Variants in GRTP1 observed in about 807,000 individuals in gnomAD.
The protein encoded by GRTP1 is growth hormone regulated TBC protein 1, also known as growth hormone-regulated TBC protein 1.
A neutral mutation model predicts 38.1 loss-of-function variants in GRTP1; 56 were observed. The ratio of observed to expected loss-of-function variants is 1.47; its 90% confidence interval spans 1.19 to 1.84. The LOEUF (loss-of-function observed/expected upper bound fraction) is 1.84. Ranked by LOEUF, GRTP1 falls within the 40% of genes most tolerant of loss-of-function variation. The pLI, the probability that GRTP1 is intolerant of heterozygous loss-of-function variation, is 0.00. For synonymous variants in GRTP1, 217 were observed against 189.5 expected (o/e 1.14, Z -1.19); for missense variants, 506 against 453.9 (o/e 1.11, Z -1.04).
At chr13:113,325,260 T>A in intron 7 of GRTP1, 1 of 1,242,200 alleles carries the variant, frequency 8.1e-7, no homozygotes, top group Non-Finnish European at 1.0e-6. Context: ...GAGCCTCTCC[T>A]GGCGTCTTGG....
chr13:113,361,212 A>T (rs997234693), intron 2 of GRTP1, among the ~76,000 whole-genome samples: 6 of 4,608 alleles, frequency 1.3e-3, no homozygotes, highest in Non-Finnish European at 3.4e-3. Context: ...ACCAATGCTA[A>T]AAAAAAAAAA....
At chr13:113,341,070 A>G (rs2043019771) in intron 5 of GRTP1, among the ~76,000 whole-genome samples, 1 of 150,868 alleles carries the variant, frequency 6.6e-6, no homozygotes, top group African/African-American at 2.4e-5. Context: ...TTCTGAGATA[A>G]GAGTCTCACT....
intron 5 of GRTP1, among the ~76,000 whole-genome samples, chr13:113,341,062 CTGAGA>C (rs1162161037): frequency 3.0e-5 from 4 of 133,416 alleles, no homozygotes; most frequent in South Asian, 2.3e-4. Flanking sequence ...TTTTTTCTTT[CTGAGA>C]TAAGAGTCTC....
intron 5 of GRTP1, among the ~76,000 whole-genome samples, chr13:113,340,577 T>C (rs61426433): frequency 0.24 from 36,684 of 151,584 alleles, 6,135 homozygotes; most frequent in African/African-American, 0.48. Context: ...GTCAGGAGTT[T>C]GAGACCAGCC....
rs1387556851 is a variant in GRTP1, at chr13:113,349,390, C to T, written c.465+1459G>A. Among the ~76,000 whole-genome samples the T allele has an allele frequency of 6.7e-6, 1 of 150,338 alleles. No individual in the cohort carries two copies. Among genetic ancestry groups the T allele is most frequent in the African/African-American group, 2.5e-5 (1 of 40,736 alleles). ...ATATTTTGTAGAGATGGAGTCTTGC[C>T]ACCTTGCCCAGGCTGGTGTATGCAT... On this transcript the variant is annotated intron_variant, in intron 4 of 7. Transcript: ENST00000375431. This position sits in a 1 kb window ranked among gnomAD's most constrained non-coding sequence, Gnocchi z 5.0.
intron 4 of GRTP1, among the ~76,000 whole-genome samples, chr13:113,350,125 GCTCAGACAGACT>G (rs1414037097): frequency 2.8e-4 from 42 of 152,122 alleles, no homozygotes; most frequent in Non-Finnish European, 2.4e-4. Context: ...CCCTCGGCGA[GCTCAGACAGACT>G]GGAACAGCAC....
At chr13:113,338,203 T>C (rs565722273) in intron 5 of GRTP1, among the ~76,000 whole-genome samples, 1 of 152,242 alleles carries the variant, frequency 6.6e-6, no homozygotes, top group South Asian at 2.1e-4. Context: ...TCTTCCTGCG[T>C]CCTTTCCATG....
chr13:113,355,882 G>A (rs2139522661), intron 2 of GRTP1: 1 of 161,018 alleles, frequency 6.2e-6, no homozygotes, highest in South Asian at 2.0e-4. Flanking sequence ...CCTCAGGTGG[G>A]ACGCCACAGC....
At position 113,350,447 on chromosome 13, in the gene GRTP1, C is replaced by G. The variant is rs566029644; in HGVS notation, c.465+402G>C. Among the ~76,000 whole-genome samples the G allele has an allele frequency of 1.9e-3, 256 of 132,334 alleles. 1 individual carries two copies. Among genetic ancestry groups the G allele is most frequent in the South Asian group, 0.013 (52 of 4,034 alleles). The allele number at this position is 132,334 out of a possible 152,430, so 86.8% of individuals were successfully genotyped here. A position where few individuals can be genotyped will look rare whatever the true frequency, so the allele number is the denominator to read the frequency against. The stretch of plus-strand genomic sequence containing the variant: ...CACACATCCCACAGCGCACGCACCC[C>G]ACAGCGCACGCACCCACAGCACACA... On this transcript the variant is annotated intron_variant, in intron 4 of 7. Coordinates refer to ENST00000375431, the MANE Select transcript of GRTP1 (RefSeq NM_024719.4).
intron 3 of GRTP1, among the ~76,000 whole-genome samples, chr13:113,352,274 A>T (rs9549745): frequency 0.045 from 1,516 of 34,064 alleles, 13 homozygotes; most frequent in African/African-American, 0.052. Flanking sequence ...TTATATTTTT[A>T]TATATATTTA....
In GRTP1 at chr13:113,342,751, C is replaced by G. The variant is rs1005325758; in HGVS notation, c.562+2112G>C. The stretch of plus-strand genomic sequence containing the variant: ...CCTCTTTTCTCTGCCGCTGGGAGAG[C>G]TCTGCCGGGATCGGAATAACCCCCT... On this transcript the variant is annotated intron_variant, in intron 5 of 7. Coordinates refer to ENST00000375431, the MANE Select transcript of GRTP1 (RefSeq NM_024719.4). The surrounding 1 kb of genome is among the most constrained non-coding windows in gnomAD (Gnocchi z 4.5). Among the ~76,000 whole-genome samples, 1 of 152,176 alleles carries G rather than the reference C, an allele frequency of 6.6e-6. No homozygotes were observed. Among genetic ancestry groups the G allele is most frequent in the Non-Finnish European group, 1.5e-5 (1 of 68,030 alleles).
chr13:113,351,004 G>A (rs371125767), intron 3 of GRTP1, 31 bp from the exon 4 acceptor site: 3 of 1,611,722 alleles, frequency 1.9e-6, no homozygotes, highest in African/African-American at 2.7e-5. Context: ...ATCACCCACG[G>A]GTTTCTGTTC....
In GRTP1 at chr13:113,343,681, G is replaced by A. The variant is rs1184747787; in HGVS notation, c.562+1182C>T. Among the ~76,000 whole-genome samples, 1 of 152,220 alleles carries A rather than the reference G, an allele frequency of 6.6e-6. No homozygotes were observed. Among genetic ancestry groups the A allele is most frequent in the Non-Finnish European group, 1.5e-5 (1 of 68,022 alleles). On this transcript the variant is annotated intron_variant, in intron 5 of 7. Transcript: ENST00000375431. This position sits in a 1 kb window ranked among gnomAD's most constrained non-coding sequence, Gnocchi z 4.8. ...GTGACTGTGTCCGTGTGGTGTGGCT[G>A]TTCTGAGGACAAGCGCAGCTCAGCA...
rs2043373162 is a variant in GRTP1, at chr13:113,355,688, G to C, written c.182-207C>G. The C allele has an allele frequency of 1.2e-5, 6 of 496,396 alleles. No homozygotes were observed. The South Asian group carries it at 2.9e-4, about 24-fold the overall frequency. 30.7% of individuals were successfully genotyped at this position (496,396 alleles called of 1,614,324 possible). On this transcript the variant is annotated intron_variant, in intron 2 of 7. Transcript: ENST00000375431. The stretch of plus-strand genomic sequence containing the variant: ...CTCCCTCTCAACAGAGCACAAACCA[G>C]ACTGGCTACAGAACCGCCCCCACGC...
intron 7 of GRTP1, chr13:113,324,853 G>C: frequency 1.1e-5 from 12 of 1,100,182 alleles, no homozygotes; most frequent in Non-Finnish European, 1.1e-5. Flanking sequence ...TTGAGACAGA[G>C]TCTCACTCTG....
At chr13:113,363,708 T>G in intron 2 of GRTP1, 54 bp downstream of exon 2, 2 of 1,391,564 alleles carry the variant, frequency 1.4e-6, no homozygotes, top group Non-Finnish European at 2.0e-6. Context: ...GCCCGGCCCG[T>G]CCCAGCCCAA....
chr13:113,355,191 G>A (rs1054528906), intron 3 of GRTP1, 132 bp downstream of exon 3: 2 of 830,166 alleles, frequency 2.4e-6, no homozygotes, highest in Non-Finnish European at 3.8e-6. Context: ...CTTTCATGGA[G>A]GAAGACGTAA....
rs1213772704 is a variant in GRTP1 at position 113,350,457 on chromosome 13, G to T, written c.465+392C>A. On this transcript the variant is annotated intron_variant, in intron 4 of 7. Coordinates refer to ENST00000375431, the MANE Select transcript of GRTP1 (RefSeq NM_024719.4). ...ACAGCGCACGCACCCCACAGCGCAC[G>T]CACCCACAGCACACATATCCCATAC... 4.9e-5 allele frequency among the ~76,000 whole-genome samples: 6 copies of T among 122,548 alleles called. No homozygotes were observed. The Admixed American group carries it at 5.4e-4, about 11-fold the overall frequency. 80.4% of individuals were successfully genotyped at this position (122,548 alleles called of 152,430 possible). A position where few individuals can be genotyped will look rare whatever the true frequency, so the allele number is the denominator to read the frequency against.
chr13:113,343,457 G>A lies in GRTP1; in HGVS notation c.562+1406C>T, dbSNP rs932408486. Among the ~76,000 whole-genome samples the A allele has an allele frequency of 2.6e-5, 4 of 152,134 alleles. No homozygotes were observed. The highest frequency in any genetic ancestry group is 4.8e-5 in the African/African-American group (2 of 41,432). ...TGGTCTCTGGCATCCTCATTTCTGC[G>A]CCCTTGGGTTGAGGGTGGCGCTGAT... On this transcript the variant is annotated intron_variant, in intron 5 of 7. Coordinates refer to ENST00000375431, the MANE Select transcript of GRTP1 (RefSeq NM_024719.4). The surrounding 1 kb of genome is among the most constrained non-coding windows in gnomAD (Gnocchi z 4.8).
Sources: gnomAD v4.1 joint callset for allele counts (sites outside exome capture counted in the v4.1 genomes callset) on GRCh38, gnomAD v4.1.1 for gene constraint, Gnocchi (gnomAD v3.1) non-coding constraint, MANE v1.5 for transcripts, NCBI Gene and HGNC (gene_info 2026-07-23, HGNC 2026-07-21) for gene names.